FBXW4: variants seen among roughly 807,000 people sequenced by gnomAD.
The protein encoded by FBXW4 is F-box/WD repeat-containing protein 4.
In FBXW4, 40 loss-of-function variants were observed where a neutral mutation model predicts 61.8. The observed-to-expected ratio is 0.65, with a 90% CI of 0.50 to 0.84. FBXW4 has a LOEUF of 0.84. Among genes scored for constraint, FBXW4 ranks in the 40% least tolerant of loss-of-function variants. The probability of loss-of-function intolerance (pLI) is 0.00; values close to 1 mark genes in which losing one functional copy is unlikely to be tolerated. For synonymous variants in FBXW4, 311 were observed against 313.8 expected, an observed-to-expected ratio of 0.99 and a Z score of 0.10; for missense variants, 672 against 753.8, an observed-to-expected ratio of 0.89 and a Z score of 1.27.
chr10:101,627,312 G>C (rs988258769), intron 5 of FBXW4, among the ~76,000 whole-genome samples: 1 of 152,196 alleles, frequency 6.6e-6, no homozygotes, highest in Non-Finnish European at 1.5e-5. Context: ...AGAGAAAGCA[G>C]AGTGTCTTCC....
chr10:101,646,216 T>C (rs1474017362), intron 5 of FBXW4, among the ~76,000 whole-genome samples: 2 of 152,216 alleles, frequency 1.3e-5, no homozygotes, highest in Non-Finnish European at 2.9e-5. Flanking sequence ...TTCTATTCTG[T>C]AGACCACTTT....
At chr10:101,617,260 T>C (rs1337370698) in intron 6 of FBXW4, among the ~76,000 whole-genome samples, 1 of 152,136 alleles carries the variant, frequency 6.6e-6, no homozygotes, top group Non-Finnish European at 1.5e-5. Flanking sequence ...ATCTTAGATC[T>C]ATATGCTTCA....
chr10:101,668,119 G>T, intron 4 of FBXW4, 139 bp from the exon 5 acceptor site: 1 of 656,188 alleles, frequency 1.5e-6, no homozygotes. Flanking sequence ...TCAGGTATCA[G>T]CAGAGGGGCC....
At chr10:101,668,048 G>A (rs779595877) in intron 4 of FBXW4, 68 bp from the exon 5 acceptor site, 105 of 1,210,676 alleles carry the variant, frequency 8.7e-5, no homozygotes, top group Non-Finnish European at 2.6e-5. Context: ...AGGTGCTCCG[G>A]GAGAGGTGAC....
intron 1 of FBXW4, among the ~76,000 whole-genome samples, chr10:101,690,853 T>C (rs2064592271): frequency 6.6e-6 from 1 of 152,206 alleles, no homozygotes; most frequent in African/African-American, 2.4e-5. Context: ...TGTTCTTCCC[T>C]TTGTCTTTAG....
chr10:101,624,287 C>A (rs1278902210), intron 6 of FBXW4, among the ~76,000 whole-genome samples: 20 of 149,442 alleles, frequency 1.3e-4, no homozygotes, highest in Middle Eastern at 3.5e-3. Context: ...AAAAAAAAAA[C>A]CAGAATGGCA....
chr10:101,671,418 G>A (rs2064357317), intron 4 of FBXW4, among the ~76,000 whole-genome samples: 1 of 152,156 alleles, frequency 6.6e-6, no homozygotes, highest in Non-Finnish European at 1.5e-5. Context: ...ATACTAAATA[G>A]GGCTAAATCA....
At chr10:101,678,848 T>C (rs769059563) in intron 1 of FBXW4, among the ~76,000 whole-genome samples, 17 of 152,208 alleles carry the variant, frequency 1.1e-4, no homozygotes, top group Non-Finnish European at 2.2e-4. Context: ...AGAATGGTTT[T>C]GGCAGGCAGA....
chr10:101,616,653 C>T (rs2063828094), intron 6 of FBXW4, among the ~76,000 whole-genome samples: 1 of 152,248 alleles, frequency 6.6e-6, no homozygotes, highest in Non-Finnish European at 1.5e-5. Context: ...AACAAAGGTG[C>T]AGCACTAGGG....
In FBXW4 at chr10:101,639,166, T is replaced by A. The variant is rs567180949; in HGVS notation, c.1236-14356A>T. Among the ~76,000 whole-genome samples, 6 of 152,362 alleles carry A rather than the reference T, an allele frequency of 3.9e-5. No homozygotes were observed. The East Asian group carries it at 1.2e-3, about 29-fold the overall frequency. ...GCCTGGGCAGGCCAGACCTGTGCCA[T>A]CCCAGGACTTGGTTCCAGTCTCTCT... On this transcript the variant is annotated intron_variant, in intron 5 of 8. Coordinates refer to ENST00000331272, the MANE Select transcript of FBXW4 (RefSeq NM_022039.4).
chr10:101,621,970 G>A (rs1200100900), intron 6 of FBXW4, among the ~76,000 whole-genome samples: 1 of 152,092 alleles, frequency 6.6e-6, no homozygotes, highest in Non-Finnish European at 1.5e-5. Context: ...ATAAAGGGTG[G>A]GCATTCTCAC....
chr10:101,625,518 G>A (rs1238455880), intron 5 of FBXW4: 3 of 152,316 alleles, frequency 2.0e-5, no homozygotes, highest in African/African-American at 7.2e-5. Flanking sequence ...GGAGCAGGCT[G>A]ACCCTGTTGC....
chr10:101,687,242 T>C (rs2064542932), intron 1 of FBXW4, among the ~76,000 whole-genome samples: 1 of 151,994 alleles, frequency 6.6e-6, no homozygotes, highest in African/African-American at 2.4e-5. Context: ...CTTGGCAGAG[T>C]TACCAGAAGA....
Position 101,694,655 on chromosome 10 carries a change from C to A in FBXW4, c.451G>T (p.Gly151Trp), listed in dbSNP as rs776329149. 7.1e-7 allele frequency: 1 copy of A among 1,412,152 alleles called. No homozygotes were observed. The highest frequency in any genetic ancestry group is 9.1e-7 in the Non-Finnish European group (1 of 1,093,326). 87.5% of individuals were successfully genotyped at this position (1,412,152 alleles called of 1,614,324 possible). A position where few individuals can be genotyped will look rare whatever the true frequency, so the allele number is the denominator to read the frequency against. The change falls in exon 1 of 9, where the codon GGG becomes TGG. Residue 151 changes from glycine (G) to tryptophan (W), a missense_variant. Around this residue, in one of 5 missense-constraint regions of FBXW4, gnomAD observed 311 missense variants for 301.1 expected, o/e 1.03. Coordinates refer to ENST00000331272, the MANE Select transcript of FBXW4 (RefSeq NM_022039.4). The surrounding 1 kb of genome is among the most constrained non-coding windows in gnomAD (Gnocchi z 6.0). ...GCCGCCGCCATGGCCACCCCTGTCC[C>A]CGCGATGTCGGCCCAAGCCTGACCC... Reference protein sequence around the residue: ...RGGQAWADIAGTGVAMAAAAG... With the variant: ...RGGQAWADIAWTGVAMAAAAG...
At chr10:101,662,733 C>T (rs772764964) in intron 5 of FBXW4, among the ~76,000 whole-genome samples, 8 of 152,018 alleles carry the variant, frequency 5.3e-5, no homozygotes, top group African/African-American at 1.9e-4. Context: ...GAGCTGTGGG[C>T]GCCTCTCCCT....
chr10:101,682,108 G>C (rs758755054), intron 1 of FBXW4, among the ~76,000 whole-genome samples: 11 of 152,146 alleles, frequency 7.2e-5, no homozygotes, highest in Non-Finnish European at 2.9e-5. Flanking sequence ...CATAAGTATA[G>C]GTAGTAGATA....
At chr10:101,668,118 A>G (rs2064324299) in intron 4 of FBXW4, 138 bp from the exon 5 acceptor site, 2 of 659,252 alleles carry the variant, frequency 3.0e-6, no homozygotes, top group Non-Finnish European at 5.4e-6. Flanking sequence ...CTCAGGTATC[A>G]GCAGAGGGGC....
intron 5 of FBXW4, among the ~76,000 whole-genome samples, chr10:101,662,097 G>A (rs965577650): frequency 3.9e-5 from 6 of 152,348 alleles, no homozygotes; most frequent in African/African-American, 1.4e-4. Context: ...TGAACTGCAA[G>A]TTGGCTGCCT....
In FBXW4 at chr10:101,673,625, C is replaced by T. The variant is rs1401415724; in HGVS notation, c.870G>A (p.Gln290=). ...QLEDDSLYIS[Q]ANFILAYQFR... is the part of the protein sequence containing the mutation. The stretch of plus-strand genomic sequence containing the variant: ...ACTGGTAGGCCAGGATGAAATTAGC[C>T]TGGGATATGTACAGAGAATCATCCT... The change falls in exon 3 of 9, where the codon CAG becomes CAA. Residue 290 remains glutamine (Q), a synonymous_variant. Coordinates refer to ENST00000331272, the MANE Select transcript of FBXW4 (RefSeq NM_022039.4). 1.2e-6 allele frequency: 2 copies of T among 1,613,980 alleles called. No homozygotes were observed. The highest frequency in any genetic ancestry group is 1.1e-5 in the South Asian group (1 of 91,086).
Sources: allele counts gnomAD v4.1 joint callset (sites outside exome capture counted in the v4.1 genomes callset), GRCh38; gene constraint gnomAD v4.1.1; regional missense constraint gnomAD v4.1.1; non-coding constraint Gnocchi (gnomAD v3.1); transcripts MANE v1.5; gene names NCBI Gene and HGNC (gene_info 2026-07-23, HGNC 2026-07-21).